Variants in PPARGC1A observed in about 807,000 individuals in gnomAD.
PPARGC1A encodes the protein PPARG coactivator 1 alpha.
Under a neutral mutation model 88.7 loss-of-function variants are expected in PPARGC1A, and 25 were observed. That is an observed-to-expected ratio of 0.28 (90% CI 0.21 to 0.39). The LOEUF (loss-of-function observed/expected upper bound fraction) is 0.39. Among genes scored for constraint, PPARGC1A ranks in the 10% least tolerant of loss-of-function variants. The pLI is 1.00. For missense variants in PPARGC1A, 880 were observed against 968.7 expected (o/e 0.91, Z 1.22); for synonymous variants, 363 against 355.6 (o/e 1.02, Z -0.24).
chr4:24,168,207 T>C, the PPARGC1A span, among the ~76,000 whole-genome samples: 1 of 152,184 alleles, frequency 6.6e-6, no homozygotes, highest in Admixed American at 6.5e-5. Flanking sequence ...TGCTTTACTG[T>C]GGTGGTCTGA....
chr4:24,313,769 A>G, the PPARGC1A span, among the ~76,000 whole-genome samples: 3 of 152,248 alleles, frequency 2.0e-5, no homozygotes, highest in Non-Finnish European at 4.4e-5. Context: ...TGTATGTCAA[A>G]TGAACCACCA....
the PPARGC1A span, among the ~76,000 whole-genome samples, chr4:24,024,683 G>A: frequency 1.3e-5 from 2 of 152,170 alleles, no homozygotes; most frequent in Non-Finnish European, 1.5e-5. Flanking sequence ...GTATCTAATG[G>A]CAATTTAAAC....
the PPARGC1A span, among the ~76,000 whole-genome samples, chr4:24,355,748 A>C: frequency 6.6e-6 from 1 of 152,192 alleles, no homozygotes; most frequent in African/African-American, 2.4e-5. Flanking sequence ...GACAAGCGAC[A>C]CACAAAAGAA....
the PPARGC1A span, among the ~76,000 whole-genome samples, chr4:24,136,880 C>T: frequency 2.0e-5 from 3 of 152,184 alleles, no homozygotes; most frequent in South Asian, 4.2e-4. Flanking sequence ...CTTTGGGAGG[C>T]TGAGGTAGGT....
At chr4:24,049,308 G>GTATATATATATATATATA in the PPARGC1A span, among the ~76,000 whole-genome samples, 4 of 139,548 alleles carry the variant, frequency 2.9e-5, no homozygotes, top group Non-Finnish European at 6.1e-5. Context: ...ATATATGTGT[G>GTATATATATATATATATA]TATATATATA....
At chr4:24,331,071 G>GT in the PPARGC1A span, among the ~76,000 whole-genome samples, 1 of 152,136 alleles carries the variant, frequency 6.6e-6, no homozygotes, top group Non-Finnish European at 1.5e-5. Flanking sequence ...TCTTCATGCT[G>GT]TTTTTTGCTT....
chr4:24,157,067 A>T, the PPARGC1A span, among the ~76,000 whole-genome samples: 1 of 152,150 alleles, frequency 6.6e-6, no homozygotes, highest in Admixed American at 6.5e-5. Context: ...GTGGTTAAGG[A>T]CCCACATGCT....
chr4:24,138,858 G>C, the PPARGC1A span, among the ~76,000 whole-genome samples: 1 of 152,134 alleles, frequency 6.6e-6, no homozygotes, highest in African/African-American at 2.4e-5. Context: ...AACACACAGA[G>C]ACTGTCTATT....
intron 2 of PPARGC1A, among the ~76,000 whole-genome samples, chr4:23,861,366 C>T (rs1419282564): frequency 6.6e-6 from 1 of 152,184 alleles, no homozygotes; most frequent in African/African-American, 2.4e-5. Context: ...AGGTAATTTT[C>T]CCAGTCCCCT....
the PPARGC1A span, among the ~76,000 whole-genome samples, chr4:24,055,751 A>G: frequency 6.6e-6 from 1 of 152,188 alleles, no homozygotes; most frequent in Non-Finnish European, 1.5e-5. Context: ...AGGCCCCTGG[A>G]TTTCCCCTGT....
chr4:24,184,342 G>A, the PPARGC1A span, among the ~76,000 whole-genome samples: 1 of 152,184 alleles, frequency 6.6e-6, no homozygotes, highest in African/African-American at 2.4e-5. Context: ...CCAGTGGTGA[G>A]CATTAAACTA....
the PPARGC1A span, among the ~76,000 whole-genome samples, chr4:24,164,066 T>C: frequency 1.4e-4 from 22 of 152,226 alleles, no homozygotes; most frequent in Non-Finnish European, 2.8e-4. Flanking sequence ...AAAATAAGCA[T>C]CTCTGTATTG....
At chr4:24,409,048 A>G in the PPARGC1A span, among the ~76,000 whole-genome samples, 1 of 152,246 alleles carries the variant, frequency 6.6e-6, no homozygotes, top group Non-Finnish European at 1.5e-5. Context: ...CGTGCTGCTA[A>G]GGCTAACACT....
At chr4:24,250,820 C>A in the PPARGC1A span, among the ~76,000 whole-genome samples, 1 of 152,180 alleles carries the variant, frequency 6.6e-6, no homozygotes, top group South Asian at 2.1e-4. Flanking sequence ...TCCTACCCTA[C>A]AATACACCTA....
chr4:24,227,263 T>A, the PPARGC1A span, among the ~76,000 whole-genome samples: 4 of 152,058 alleles, frequency 2.6e-5, no homozygotes, highest in African/African-American at 9.6e-5. Context: ...GTTTTTGTAC[T>A]TTTAGTAGAA....
chr4:24,423,066 G>T, the PPARGC1A span, among the ~76,000 whole-genome samples: 3 of 152,106 alleles, frequency 2.0e-5, no homozygotes, highest in Non-Finnish European at 1.5e-5. Context: ...TATATACATG[G>T]TGTTTATAGA....
chr4:24,377,408 C>T, the PPARGC1A span, among the ~76,000 whole-genome samples: 1 of 151,990 alleles, frequency 6.6e-6, no homozygotes, highest in East Asian at 1.9e-4. Flanking sequence ...TTTTCAATTT[C>T]CAAAGTTGAC....
chr4:24,058,028 C>G, the PPARGC1A span, among the ~76,000 whole-genome samples: 1 of 152,148 alleles, frequency 6.6e-6, no homozygotes, highest in South Asian at 2.1e-4. Context: ...GGAAACAGCC[C>G]CTGGTGCTCT....
the PPARGC1A span, among the ~76,000 whole-genome samples, chr4:24,058,029 C>T: frequency 2.0e-5 from 3 of 152,184 alleles, no homozygotes; most frequent in African/African-American, 7.2e-5. Context: ...GAAACAGCCC[C>T]TGGTGCTCTG....
Sources: allele counts gnomAD v4.1 joint callset (sites outside exome capture counted in the v4.1 genomes callset), GRCh38; gene constraint gnomAD v4.1.1; transcripts MANE v1.5; gene names NCBI Gene and HGNC (gene_info 2026-07-23, HGNC 2026-07-21).